The following SREK1 variants were observed in gnomAD, a reference collection of about 807,000 sequenced individuals.
The protein encoded by SREK1 is splicing regulatory glutamic acid and lysine rich protein 1, also known as splicing regulatory glutamine/lysine-rich protein 1.
SREK1 carries 13 observed loss-of-function variants against 66.5 expected under a neutral mutation model. The observed-to-expected ratio is 0.20, with a 90% CI of 0.13 to 0.31. SREK1 has a LOEUF of 0.31. Among genes scored for constraint, SREK1 ranks in the 10% least tolerant of loss-of-function variants. SREK1 has a pLI of 1.00. For synonymous variants in SREK1, 265 were observed against 263.5 expected, an observed-to-expected ratio of 1.01 and a Z score of -0.05; for missense variants, 607 against 769.6, an observed-to-expected ratio of 0.79 and a Z score of 2.50.
chr5:66,180,382 C>T lies in SREK1; in HGVS notation c.*1514C>T, dbSNP rs1369547018. 3 of 152,526 alleles carry T rather than the reference C, an allele frequency of 2.0e-5. No homozygotes were observed. The South Asian group carries it at 6.2e-4, about 32-fold the overall frequency. 9.4% of individuals were successfully genotyped at this position (152,526 alleles called of 1,614,324 possible). ...TGCAATCTAATACAATCAGATTACT[C>T]AGTTGCCTTACCTCATGGGAAGAGT... On this transcript the variant is annotated 3_prime_UTR_variant, in exon 12 of 12. Coordinates refer to ENST00000334121, the MANE Select transcript of SREK1 (RefSeq NM_001077199.3).
intron 1 of SREK1, among the ~76,000 whole-genome samples, chr5:66,148,321 G>A (rs1743446086): frequency 6.7e-6 from 1 of 149,840 alleles, no homozygotes; most frequent in South Asian, 2.1e-4. Flanking sequence ...GTGTATTAAT[G>A]TACTGATAAA....
intron 11 of SREK1, among the ~76,000 whole-genome samples, chr5:66,177,871 C>T (rs1274865407): frequency 6.6e-6 from 1 of 151,882 alleles, no homozygotes; most frequent in East Asian, 1.9e-4. Context: ...AAGTTAAATC[C>T]TAACATGGCA....
chr5:66,157,439 A>G, intron 2 of SREK1: 3 of 985,264 alleles, frequency 3.0e-6, no homozygotes, highest in Non-Finnish European at 3.6e-6. Context: ...ACATTAAGGT[A>G]GTGACGATGG....
intron 1 of SREK1, chr5:66,145,010 C>A (rs1241969718): frequency 4.1e-5 from 40 of 986,602 alleles, no homozygotes; most frequent in Non-Finnish European, 4.8e-5. Context: ...CTGCTGGTGA[C>A]AAGATGGAAC....
intron 7 of SREK1, chr5:66,165,803 G>T (rs559529381): frequency 6.6e-6 from 1 of 152,348 alleles, no homozygotes; most frequent in Admixed American, 6.5e-5. Context: ...TAAAGAAGGA[G>T]AAAGGATTTG....
intron 9 of SREK1, 27 bp from the exon 10 acceptor site, chr5:66,174,919 T>A (rs1286280020): frequency 6.2e-7 from 1 of 1,600,930 alleles, no homozygotes; most frequent in Admixed American, 1.7e-5. Flanking sequence ...TTGCTGTTTT[T>A]AAAAATGATG....
intron 9 of SREK1, among the ~76,000 whole-genome samples, chr5:66,172,473 G>T (rs1025602747): frequency 6.6e-6 from 1 of 152,100 alleles, no homozygotes; most frequent in Non-Finnish European, 1.5e-5. Context: ...TTGACCCACT[G>T]CAACCTCCCC....
In SREK1 at chr5:66,162,480, G is replaced by A. The variant is rs1332420065; in HGVS notation, c.643G>A (p.Ala215Thr). The A allele has an allele frequency of 6.2e-7, 1 of 1,614,106 alleles. No homozygotes were observed. The highest frequency in any genetic ancestry group is 8.5e-7 in the Non-Finnish European group (1 of 1,179,978). Residue 215 changes from alanine to threonine, a missense_variant, in exon 5 of 12, where the codon GCA becomes ACA. Coordinates refer to ENST00000334121, the MANE Select transcript of SREK1 (RefSeq NM_001077199.3). The part of the protein sequence containing the change: ...QVGEVKFVRM[A>T]GDETQPTRFA... ...TGGAGAAGTGAAGTTTGTGCGGATG[G>A]CAGGTGATGAGACTCAGCCAACTCG...
chr5:66,178,567 G>A (rs1746254233), intron 11 of SREK1, 152 bp from the exon 12 acceptor site: 1 of 612,178 alleles, frequency 1.6e-6, no homozygotes, highest in Admixed American at 3.2e-5. Context: ...GAAATTGATA[G>A]TGTTTGCATA....
At chr5:66,159,423 T>A in intron 3 of SREK1, 89 bp downstream of exon 3, 2 of 861,442 alleles carry the variant, frequency 2.3e-6, no homozygotes, top group Non-Finnish European at 3.0e-6. Context: ...TGCATTTGGA[T>A]CTTCTTCTTT....
chr5:66,174,406 A>G lies in SREK1; in HGVS notation c.1485-540A>G, dbSNP rs189508850. ...TGATAGGAGGTTGGAGGGAAAAGCA[A>G]TTTCTCTCTAAAATGATAGTAATGT... is the stretch of plus-strand genomic sequence containing the variant. On this transcript the variant is annotated intron_variant, in intron 9 of 11. Coordinates refer to ENST00000334121, the MANE Select transcript of SREK1 (RefSeq NM_001077199.3). Among the ~76,000 whole-genome samples the G allele has an allele frequency of 2.0e-5, 3 of 152,266 alleles. No homozygotes were observed. In the East Asian group the frequency reaches 5.8e-4, roughly 29 times the overall value.
chr5:66,169,909 T>A, intron 7 of SREK1, 142 bp from the exon 8 acceptor site: 1 of 568,014 alleles, frequency 1.8e-6, no homozygotes, highest in Non-Finnish European at 2.8e-6. Flanking sequence ...TTCCAGTAAA[T>A]GTATTTCAGA....
rs753471750 is a variant in SREK1, at chr5:66,175,050, G to C, written c.1580+9G>C. ...TCTCCGTCCCCCAGGAGGTAGGTTGGGAGCTTGTGCTAAAACTAAACAGGA... is the reference window on the plus strand; with the variant it reads ...TCTCCGTCCCCCAGGAGGTAGGTTGCGAGCTTGTGCTAAAACTAAACAGGA... On this transcript the variant is annotated intron_variant, in intron 10 of 11. Coordinates refer to ENST00000334121, the MANE Select transcript of SREK1 (RefSeq NM_001077199.3). The C allele has an allele frequency of 6.2e-7, 1 of 1,605,636 alleles. No homozygotes were observed. Among genetic ancestry groups the C allele is most frequent in the Non-Finnish European group, 8.5e-7 (1 of 1,175,508 alleles).
chr5:66,144,763 A>C, intron 1 of SREK1: 1 of 1,237,792 alleles, frequency 8.1e-7, no homozygotes, highest in Non-Finnish European at 1.0e-6. Flanking sequence ...AAGGATTTAG[A>C]ATGGTTGCCC....
At chr5:66,174,033 T>G (rs1385494053) in intron 9 of SREK1, among the ~76,000 whole-genome samples, 1 of 152,164 alleles carries the variant, frequency 6.6e-6, no homozygotes, top group Non-Finnish European at 1.5e-5. Context: ...TTTATTAGTC[T>G]CTTAGAATCA....
At position 66,164,929 on chromosome 5, in the gene SREK1, A is replaced by G. The variant is rs1006483669; in HGVS notation, c.1001+32A>G. ...ATTTCTGCTGTCATATTTAAATTTT[A>G]TTTTAGTTTTGTATTTAAAATATTA... On this transcript the variant is annotated intron_variant, in intron 7 of 11. Transcript: ENST00000334121. 5 of 1,563,816 alleles carry G rather than the reference A, an allele frequency of 3.2e-6. No homozygotes were observed. The African/African-American group carries it at 6.9e-5, about 22-fold the overall frequency.
At chr5:66,163,963 T>C (rs994592640) in intron 6 of SREK1, 41 bp downstream of exon 6, 31 of 1,587,404 alleles carry the variant, frequency 2.0e-5, no homozygotes, top group Non-Finnish European at 2.6e-5. Context: ...AGTTTAAAGA[T>C]CATAGACTCT....
At chr5:66,170,513 GAA>G (rs1015843367) in intron 8 of SREK1, 70 bp from the exon 9 acceptor site, 2 of 1,502,736 alleles carry the variant, frequency 1.3e-6, no homozygotes, top group African/African-American at 2.8e-5. Flanking sequence ...GGTAATTGTT[GAA>G]GAGAGAGAGG....
Position 66,178,734 on chromosome 5 carries a change from A to G in SREK1, c.1741A>G (p.Lys581Glu), listed in dbSNP as rs1306806542. The change falls in exon 12 of 12, where the codon AAA (lysine) becomes GAA (glutamate). Residue 581 changes from lysine to glutamate, a missense_variant. Transcript: ENST00000334121. Reference protein sequence around the residue: ...STSLKEKEHNKEPDSSVSKEV... With the variant: ...STSLKEKEHNEEPDSSVSKEV... ...CTCATTGTAGGAGAAAGAGCACAAT[A>G]AAGAACCAGATTCAAGTGTGAGCAA... is the stretch of plus-strand genomic sequence containing the variant. The G allele has an allele frequency of 1.2e-6, 2 of 1,610,744 alleles. No individual in the cohort carries two copies. Among genetic ancestry groups the G allele is most frequent in the Admixed American group, 1.7e-5 (1 of 59,744 alleles).
Sources: allele counts gnomAD v4.1 joint callset (sites outside exome capture counted in the v4.1 genomes callset), GRCh38; gene constraint gnomAD v4.1.1; transcripts MANE v1.5; gene names NCBI Gene and HGNC (gene_info 2026-07-23, HGNC 2026-07-21).